The following HSPH1 variants were observed in gnomAD, a reference collection of about 807,000 sequenced individuals.
HSPH1 encodes the protein heat shock protein family H (Hsp110) member 1, also known as heat shock protein 105 kDa.
HSPH1 carries 40 observed loss-of-function variants against 100.0 expected under a neutral mutation model. The observed-to-expected ratio is 0.40, with a 90% confidence interval of 0.31 to 0.52. HSPH1 has a LOEUF of 0.52. Ranked by LOEUF, HSPH1 falls within the 20% of genes least tolerant of loss-of-function variation. The probability of loss-of-function intolerance (pLI) is 0.54; values close to 1 mark genes in which losing one functional copy is unlikely to be tolerated. For synonymous variants in HSPH1, 403 were observed against 344.0 expected (o/e 1.17, Z -1.90); for missense variants, 876 against 1,015.1 (o/e 0.86, Z 1.86).
intron 1 of HSPH1, among the ~76,000 whole-genome samples, chr13:31,159,877 C>A (rs972295680): frequency 1.8e-4 from 28 of 152,208 alleles, no homozygotes; most frequent in African/African-American, 6.7e-4. Flanking sequence ...AGAAGCTAGA[C>A]AAGAAACCGT....
chr13:31,138,311 A>G (rs1184241874), intron 17 of HSPH1, 96 bp downstream of exon 17: 16 of 1,159,986 alleles, frequency 1.4e-5, no homozygotes, highest in Middle Eastern at 1.9e-4. Flanking sequence ...ATGAGGTAAA[A>G]GATTTACAGG....
At chr13:31,152,177 A>G (rs1232695164) in intron 5 of HSPH1, 1 of 153,276 alleles carries the variant, frequency 6.5e-6, no homozygotes, top group Non-Finnish European at 1.5e-5. Flanking sequence ...AACCTTAAAA[A>G]GTTTTTTTCT....
intron 12 of HSPH1, among the ~76,000 whole-genome samples, chr13:31,142,381 AG>A (rs1264819944): frequency 6.6e-6 from 1 of 152,040 alleles, no homozygotes; most frequent in Non-Finnish European, 1.5e-5. Context: ...ACTACGGATG[AG>A]CTAGGCAGTC....
At position 31,151,688 on chromosome 13, in the gene HSPH1, G is replaced by C. The variant is rs1290145312; in HGVS notation, c.584C>G (p.Pro195Arg). The change falls in exon 6 of 18, where the codon CCT becomes CGT. Residue 195 changes from proline (P) to arginine (R), a missense_variant. By Grantham distance (103) the Pro-to-Arg change is moderately radical. Coordinates refer to ENST00000320027, the MANE Select transcript of HSPH1 (RefSeq NM_006644.4). The stretch of plus-strand genomic sequence containing the variant: ...CATATCAACAAAAACCACTATCCGA[G>C]GTTTCTCATCCAGGCTTGGGAGATC... ...KQDLPSLDEK[P>R]RIVVFVDMGH... 1 of 1,612,474 alleles carries C rather than the reference G, an allele frequency of 6.2e-7. No homozygotes were observed. Among genetic ancestry groups the C allele is most frequent in the Admixed American group, 1.7e-5 (1 of 59,764 alleles).
chr13:31,138,566 A>T lies in HSPH1; in HGVS notation c.2211T>A (p.Asp737Glu). 2 of 1,603,814 alleles carry T rather than the reference A, an allele frequency of 1.2e-6. No homozygotes were observed. The highest frequency in any genetic ancestry group is 4.5e-5 in the East Asian group (2 of 44,774). The change falls in exon 17 of 18, where the codon GAT becomes GAA. Residue 737 changes from aspartate (D) to glutamate (E), a missense_variant and splice_region_variant. Physicochemically the swap from Asp to Glu is conservative, Grantham distance 45 (BLOSUM62 2). Transcript: ENST00000320027. ...AKIAADFRNKDEKYNHIDESE... is the reference protein window; with the variant it reads ...AKIAADFRNKEEKYNHIDESE... Reference sequence around the variant, plus strand: ...ACTCATCAATATGGTTGTATTTCTCATCCTGAACAAAAATAACACGGTCAT... The same window carrying T: ...ACTCATCAATATGGTTGTATTTCTCTTCCTGAACAAAAATAACACGGTCAT...
At position 31,154,489 on chromosome 13, in the gene HSPH1, A is replaced by C. The variant is rs1683422149; in HGVS notation, c.429+144T>G. The stretch of plus-strand genomic sequence containing the variant: ...AAATATCACTCAAATCTACTTTGTA[A>C]TGCTCTGGAACACATGTTAATACAG... On this transcript the variant is annotated intron_variant, in intron 4 of 17. Transcript: ENST00000320027. 6.5e-6 allele frequency: 6 copies of C among 921,182 alleles called. 1 individual carries two copies. The highest frequency in any genetic ancestry group is 8.7e-6 in the Non-Finnish European group (5 of 577,072). The allele number at this position is 921,182 out of a possible 1,614,324, so 57.1% of individuals were successfully genotyped here.
At chr13:31,155,767 A>T in intron 2 of HSPH1, 113 bp from the exon 3 acceptor site, 1 of 788,460 alleles carries the variant, frequency 1.3e-6, no homozygotes, top group Non-Finnish European at 2.0e-6. Context: ...ATGAGTGCAC[A>T]TAAGTTGCCC....
At chr13:31,156,581 AAAGTT>A (rs1481310503) in intron 2 of HSPH1, among the ~76,000 whole-genome samples, 1 of 150,346 alleles carries the variant, frequency 6.7e-6, no homozygotes, top group Non-Finnish European at 1.5e-5. Context: ...AAAAAAAATT[AAAGTT>A]AATTTTTATA....
At position 31,145,565 on chromosome 13, in the gene HSPH1, C is replaced by G; in HGVS notation, c.1582G>C (p.Asp528His). Residue 528 changes from aspartate to histidine, a missense_variant and splice_region_variant, in exon 11 of 18, where the codon GAT becomes CAT. By Grantham distance (81) the Asp-to-His change is moderately conservative (BLOSUM62 -1). Transcript: ENST00000320027. ...NQRPPENPDT[D>H]KNVQQDNSEA... ...CAAAGGTTTATCCACAAACTTACAT[C>G]AGTGTCTGGGTTTTCTGGTGGTCTC... The G allele has an allele frequency of 6.2e-7, 1 of 1,611,980 alleles. No individual in the cohort carries two copies. Among genetic ancestry groups the G allele is most frequent in the African/African-American group, 1.3e-5 (1 of 74,966 alleles).
At chr13:31,156,081 A>G (rs966681806) in intron 2 of HSPH1, among the ~76,000 whole-genome samples, 4 of 152,240 alleles carry the variant, frequency 2.6e-5, no homozygotes, top group Admixed American at 2.6e-4. Context: ...TAGCCAAATT[A>G]TAATTTTGTT....
At chr13:31,154,997 G>A (rs573364665) in intron 3 of HSPH1, among the ~76,000 whole-genome samples, 46 of 151,904 alleles carry the variant, frequency 3.0e-4, no homozygotes, top group Admixed American at 7.9e-4. Context: ...GAAGAGGAGC[G>A]GAAGAAAGCT....
rs1956912258 is a variant in HSPH1 at position 31,161,531 on chromosome 13, C to A, written c.52G>T (p.Ala18Ser). ...VGSQSCYIAV[A>S]RAGGIETIAN... is the part of the protein sequence containing the mutation. Reference sequence around the variant, plus strand: ...ATGGTCTCGATGCCCCCGGCCCGGGCTACCGCGATGTAGCAGCTCTGCGAG... The same window carrying A: ...ATGGTCTCGATGCCCCCGGCCCGGGATACCGCGATGTAGCAGCTCTGCGAG... The change falls in exon 1 of 18, where the codon GCC becomes TCC. Residue 18 changes from alanine (A) to serine (S), a missense_variant. By Grantham distance (99) the Ala-to-Ser change is moderately conservative. Coordinates refer to ENST00000320027, the MANE Select transcript of HSPH1 (RefSeq NM_006644.4). 1 of 1,614,034 alleles carries A rather than the reference C, an allele frequency of 6.2e-7. No homozygotes were observed. Among genetic ancestry groups the A allele is most frequent in the Non-Finnish European group, 8.5e-7 (1 of 1,179,962 alleles).
intron 14 of HSPH1, among the ~76,000 whole-genome samples, chr13:31,139,691 C>CT (rs1371740815): frequency 6.6e-6 from 1 of 152,000 alleles, no homozygotes; most frequent in African/African-American, 2.4e-5. Flanking sequence ...TAGTCAGTTT[C>CT]TTTTTTTCCA....
intron 4 of HSPH1, chr13:31,154,405 C>T: frequency 1.8e-6 from 1 of 569,670 alleles, no homozygotes; most frequent in Non-Finnish European, 3.1e-6. Flanking sequence ...TCTGTATTTT[C>T]AAAAAGTCTC....
chr13:31,158,452 G>A (rs893099569), intron 2 of HSPH1, among the ~76,000 whole-genome samples: 3 of 151,336 alleles, frequency 2.0e-5, no homozygotes, highest in South Asian at 4.2e-4. Context: ...AGGAGGCTGA[G>A]GCAGGAGAAT....
At chr13:31,151,945 T>C (rs989189595) in intron 5 of HSPH1, 3 of 533,518 alleles carry the variant, frequency 5.6e-6, no homozygotes, top group Non-Finnish European at 9.9e-6. Context: ...AACAATGCTC[T>C]ATCACTTTTC....
intron 1 of HSPH1, among the ~76,000 whole-genome samples, chr13:31,159,728 G>A (rs1419788450): frequency 6.6e-6 from 1 of 152,116 alleles, no homozygotes; most frequent in Non-Finnish European, 1.5e-5. Context: ...TAAACGAGAT[G>A]AGCAAAACGG....
In HSPH1 at chr13:31,161,547, G is replaced by T. The variant is rs778614518; in HGVS notation, c.36C>A (p.Ser12Arg). 2 of 1,613,874 alleles carry T rather than the reference G, an allele frequency of 1.2e-6. No individual in the cohort carries two copies. Among genetic ancestry groups the T allele is most frequent in the South Asian group, 2.2e-5 (2 of 91,076 alleles). Reference protein sequence around the residue: ...SVVGLDVGSQSCYIAVARAGG... With the variant: ...SVVGLDVGSQRCYIAVARAGG... ...CGGCCCGGGCTACCGCGATGTAGCA[G>T]CTCTGCGAGCCCACGTCCAACCCCA... The change falls in exon 1 of 18, where the codon AGC (serine) becomes AGA (arginine). Residue 12 changes from serine to arginine, a missense_variant. By Grantham distance (110) the Ser-to-Arg change is moderately radical. Coordinates refer to ENST00000320027, the MANE Select transcript of HSPH1 (RefSeq NM_006644.4).
intron 4 of HSPH1, 27 bp from the exon 5 acceptor site, chr13:31,152,978 T>G: frequency 7.0e-7 from 1 of 1,435,956 alleles, no homozygotes; most frequent in South Asian, 1.1e-5. Context: ...AATTTTGAAT[T>G]ATCTAGAACA....
Sources: gnomAD v4.1 joint callset for allele counts (sites outside exome capture counted in the v4.1 genomes callset) on GRCh38, gnomAD v4.1.1 for gene constraint, MANE v1.5 for transcripts, NCBI Gene and HGNC (gene_info 2026-07-23, HGNC 2026-07-21) for gene names.